The following CDH9 variants were observed in gnomAD, a reference collection of about 807,000 sequenced individuals.
The protein encoded by CDH9 is cadherin 9.
CDH9 carries 28 observed loss-of-function variants against 70.9 expected under a neutral mutation model. That is an observed-to-expected ratio of 0.40 (90% CI 0.29 to 0.54). The LOEUF (loss-of-function observed/expected upper bound fraction) is 0.54, where lower values mean the gene tolerates loss of function less well. CDH9 is among the 20% of genes least tolerant of loss of function. The pLI, the probability that CDH9 is intolerant of heterozygous loss-of-function variation, is 0.59. For missense variants in CDH9, 874 were observed against 984.4 expected (o/e 0.89, Z 1.50); for synonymous variants, 409 against 343.1 (o/e 1.19, Z -2.12).
chr5:26,957,728 T>C (rs1741970403), intron 2 of CDH9, among the ~76,000 whole-genome samples: 1 of 152,186 alleles, frequency 6.6e-6, no homozygotes, highest in Admixed American at 6.5e-5. Flanking sequence ...TGCTATTTTC[T>C]TTGGTGGCAA....
At chr5:27,035,072 C>A (rs1472696148) in intron 1 of CDH9, among the ~76,000 whole-genome samples, 1 of 150,528 alleles carries the variant, frequency 6.6e-6, no homozygotes, top group Non-Finnish European at 1.5e-5. Flanking sequence ...ATCTATCTAT[C>A]CTCTATGTAT....
chr5:26,950,383 T>C (rs896345567), intron 2 of CDH9, among the ~76,000 whole-genome samples: 1 of 152,206 alleles, frequency 6.6e-6, no homozygotes, highest in African/African-American at 2.4e-5. Flanking sequence ...ATTTGATAAT[T>C]CATTTATAGT....
intron 1 of CDH9, among the ~76,000 whole-genome samples, chr5:27,006,604 G>A (rs1742869262): frequency 6.6e-6 from 1 of 152,154 alleles, no homozygotes; most frequent in Admixed American, 6.6e-5. Flanking sequence ...GGCTCATTCT[G>A]TTGAGAATTC....
chr5:26,941,181 C>A (rs1741656231), intron 2 of CDH9, among the ~76,000 whole-genome samples: 1 of 152,186 alleles, frequency 6.6e-6, no homozygotes, highest in Non-Finnish European at 1.5e-5. Context: ...GTGACTCTTG[C>A]TAGCTATAAA....
At chr5:26,932,585 A>G (rs926224475) in intron 2 of CDH9, among the ~76,000 whole-genome samples, 3 of 152,010 alleles carry the variant, frequency 2.0e-5, no homozygotes, top group Admixed American at 6.6e-5. Flanking sequence ...TCCTTGTTCT[A>G]TCTTCTTTGA....
At position 26,881,496 on chromosome 5, in the gene CDH9, T is replaced by A; in HGVS notation, c.2010A>T (p.Gln670His). The part of the protein sequence containing the change: ...NDEGGGEEDT[Q>H]AFDIGTLRNP... ...TCCTTAATGTGCCAATGTCAAAAGC[T>A]TGGGTATCTTCTTCCCCGCCGCCTT... The change falls in exon 12 of 12, where the codon CAA becomes CAT. Residue 670 changes from glutamine (Q) to histidine (H), a missense_variant. Physicochemically the swap from Gln to His is conservative, Grantham distance 24 (BLOSUM62 0). Transcript: ENST00000231021. 1 of 1,613,834 alleles carries A rather than the reference T, an allele frequency of 6.2e-7. No individual in the cohort carries two copies.
At chr5:27,028,664 A>G (rs1038450551) in intron 1 of CDH9, among the ~76,000 whole-genome samples, 1 of 152,048 alleles carries the variant, frequency 6.6e-6, no homozygotes, top group Non-Finnish European at 1.5e-5. Flanking sequence ...TTCCTCAAGT[A>G]TTTCCTGACA....
chr5:26,891,406 C>T (rs567936702), intron 7 of CDH9, among the ~76,000 whole-genome samples: 3 of 152,032 alleles, frequency 2.0e-5, no homozygotes, highest in Non-Finnish European at 4.4e-5. Flanking sequence ...AGACCAGGTG[C>T]GGTGGCTCAC....
chr5:26,940,657 A>G (rs1335052633), intron 2 of CDH9, among the ~76,000 whole-genome samples: 1 of 152,174 alleles, frequency 6.6e-6, no homozygotes, highest in Admixed American at 6.5e-5. Flanking sequence ...TGACGAAAAC[A>G]TTTCTTCTTT....
At chr5:26,997,855 A>G (rs945830888) in intron 1 of CDH9, among the ~76,000 whole-genome samples, 1 of 152,062 alleles carries the variant, frequency 6.6e-6, no homozygotes, top group Non-Finnish European at 1.5e-5. Context: ...ACATGCCATC[A>G]TACCCAGCTA....
chr5:27,027,003 G>A (rs745410693), intron 1 of CDH9, among the ~76,000 whole-genome samples: 31 of 151,962 alleles, frequency 2.0e-4, no homozygotes, highest in South Asian at 4.2e-4. Flanking sequence ...CTAAAAGGGG[G>A]AAGTCGTAAA....
At chr5:26,943,155 C>A (rs1019773020) in intron 2 of CDH9, among the ~76,000 whole-genome samples, 2 of 152,036 alleles carry the variant, frequency 1.3e-5, no homozygotes, top group Non-Finnish European at 2.9e-5. Context: ...AAACACAAAA[C>A]CTTGATCTTT....
intron 2 of CDH9, among the ~76,000 whole-genome samples, chr5:26,921,633 C>A (rs969774889): frequency 2.6e-5 from 4 of 152,140 alleles, no homozygotes; most frequent in Admixed American, 2.6e-4. Flanking sequence ...GTTGCTGATT[C>A]ATTCACTTTC....
chr5:27,024,823 T>A (rs1484639112), intron 1 of CDH9, among the ~76,000 whole-genome samples: 2 of 152,092 alleles, frequency 1.3e-5, no homozygotes, highest in Non-Finnish European at 2.9e-5. Context: ...TAGAGTTGAT[T>A]TCTACTCTGT....
chr5:26,992,210 C>T (rs1295566269), intron 1 of CDH9, among the ~76,000 whole-genome samples: 1 of 152,158 alleles, frequency 6.6e-6, no homozygotes, highest in Non-Finnish European at 1.5e-5. Context: ...GCCTGCTGCT[C>T]ACCTCCTGCT....
chr5:27,016,745 C>G (rs1318599227), intron 1 of CDH9, among the ~76,000 whole-genome samples: 2 of 151,548 alleles, frequency 1.3e-5, no homozygotes, highest in Non-Finnish European at 2.9e-5. Context: ...GGGTTATAAG[C>G]TTTTTATTTG....
At chr5:26,976,568 G>C (rs1742305735) in intron 2 of CDH9, among the ~76,000 whole-genome samples, 1 of 152,054 alleles carries the variant, frequency 6.6e-6, no homozygotes, top group African/African-American at 2.4e-5. Flanking sequence ...CTCCCAAAGA[G>C]CTGAGACCAC....
At chr5:26,882,013 A>G (rs1169497424) in intron 11 of CDH9, among the ~76,000 whole-genome samples, 1 of 152,146 alleles carries the variant, frequency 6.6e-6, no homozygotes, top group Admixed American at 6.6e-5. Context: ...TGGCACAAGT[A>G]TCATTTCTTA....
intron 3 of CDH9, among the ~76,000 whole-genome samples, chr5:26,908,944 A>G (rs1740998328): frequency 6.6e-6 from 1 of 152,190 alleles, no homozygotes; most frequent in African/African-American, 2.4e-5. Flanking sequence ...AAAAGCATTT[A>G]GTAATAAAAT....
Sources: allele counts gnomAD v4.1 joint callset (sites outside exome capture counted in the v4.1 genomes callset), GRCh38; gene constraint gnomAD v4.1.1; transcripts MANE v1.5; gene names NCBI Gene and HGNC (gene_info 2026-07-23, HGNC 2026-07-21).